ENG: variants seen among roughly 807,000 people sequenced by gnomAD.
ENG encodes the protein CD105 antigen.
Under a neutral mutation model 71.0 loss-of-function variants are expected in ENG, and 17 were observed. The observed-to-expected ratio is 0.24, with a 90% CI of 0.16 to 0.36. ENG has a LOEUF of 0.36. ENG is among the 10% of genes least tolerant of loss of function. ENG has a pLI of 1.00. For synonymous variants in ENG, 360 were observed against 366.9 expected (o/e 0.98, Z 0.21); for missense variants, 749 against 868.3 (o/e 0.86, Z 1.73).
At chr9:127,833,956 GCTC>G (rs1177657234) in intron 2 of ENG, among the ~76,000 whole-genome samples, 1 of 152,044 alleles carries the variant, frequency 6.6e-6, no homozygotes, top group Non-Finnish European at 1.5e-5. Flanking sequence ...CTTTTTTTAG[GCTC>G]CTCAAGTGAA....
At chr9:127,843,031 CT>C in intron 2 of ENG, 62 bp downstream of exon 2, 1 of 1,611,006 alleles carries the variant, frequency 6.2e-7, no homozygotes, top group South Asian at 1.1e-5. Context: ...GAAGGCACCC[CT>C]CACCCCATCT....
In ENG at chr9:127,838,879, G is replaced by A. The variant is rs761811749; in HGVS notation, c.219+4215C>T. Among the ~76,000 whole-genome samples the A allele has an allele frequency of 6.6e-6, 1 of 152,176 alleles. No individual in the cohort carries two copies. Among genetic ancestry groups the A allele is most frequent in the East Asian group, 1.9e-4 (1 of 5,168 alleles). On this transcript the variant is annotated intron_variant, in intron 2 of 14. Transcript: ENST00000373203. This position sits in a 1 kb window ranked among gnomAD's most constrained non-coding sequence, Gnocchi z 4.3. ...TGAGCGGCACTTCCCCAAGGCTCTC[G>A]GCTGCCACCGCCCATCTACCACCCA... is the stretch of plus-strand genomic sequence containing the variant.
At position 127,820,055 on chromosome 9, in the gene ENG, G is replaced by T. The variant is rs764207550; in HGVS notation, c.1135-18C>A. On this transcript the variant is annotated intron_variant, in intron 8 of 14. Transcript: ENST00000373203. ...TTCAAATGCTGGGTCGGAAGAGAGG[G>T]GCACCATCAGGAGGCACTGGGGTCT... 6 of 1,612,188 alleles carry T rather than the reference G, an allele frequency of 3.7e-6. No homozygotes were observed. Among genetic ancestry groups the T allele is most frequent in the Non-Finnish European group, 4.2e-6 (5 of 1,179,582 alleles).
At chr9:127,833,963 A>G (rs1564459418) in intron 2 of ENG, among the ~76,000 whole-genome samples, 1 of 152,236 alleles carries the variant, frequency 6.6e-6, no homozygotes, top group Non-Finnish European at 1.5e-5. Flanking sequence ...TAGGCTCCTC[A>G]AGTGAAGCAG....
chr9:127,820,105 C>A (rs1830436963), intron 8 of ENG, 68 bp from the exon 9 acceptor site: 1 of 1,576,356 alleles, frequency 6.3e-7, no homozygotes, highest in East Asian at 2.3e-5. Flanking sequence ...ACCCCAGCAC[C>A]AAGGACTGAC....
intron 8 of ENG, among the ~76,000 whole-genome samples, chr9:127,820,493 A>T (rs1434054034): frequency 1.3e-5 from 2 of 151,010 alleles, no homozygotes; most frequent in African/African-American, 2.4e-5. Flanking sequence ...GCGCCTGGCC[A>T]AATTTTCTTA....
chr9:127,840,910 C>A (rs1038114742), intron 2 of ENG, among the ~76,000 whole-genome samples: 4 of 152,176 alleles, frequency 2.6e-5, no homozygotes, highest in Non-Finnish European at 4.4e-5. Flanking sequence ...GTTACAGTGG[C>A]CCCCTGCCAT....
At chr9:127,825,574 G>A (rs1008426690) in intron 5 of ENG, 121 bp downstream of exon 5, 31 of 1,259,066 alleles carry the variant, frequency 2.5e-5, no homozygotes, top group African/African-American at 1.5e-4. Flanking sequence ...ACAGGGCTGC[G>A]GCGGGGCTGG....
At chr9:127,831,422 C>T (rs1243645850) in intron 2 of ENG, among the ~76,000 whole-genome samples, 3 of 148,398 alleles carry the variant, frequency 2.0e-5, no homozygotes, top group Non-Finnish European at 4.4e-5. Context: ...GAGTCTCGCT[C>T]TGTCGCCCAA....
intron 1 of ENG, among the ~76,000 whole-genome samples, chr9:127,845,900 G>C (rs1164138292): frequency 6.6e-6 from 1 of 152,090 alleles, no homozygotes; most frequent in Non-Finnish European, 1.5e-5. Flanking sequence ...TAGAGACTGG[G>C]TCTCACTATG....
At chr9:127,827,662 A>G (rs1015552476) in intron 3 of ENG, among the ~76,000 whole-genome samples, 1 of 152,134 alleles carries the variant, frequency 6.6e-6, no homozygotes, top group East Asian at 1.9e-4. Context: ...TTTTTATTAT[A>G]ATTTTTTAGA....
At chr9:127,848,717 T>G (rs961487473) in intron 1 of ENG, among the ~76,000 whole-genome samples, 2 of 152,196 alleles carry the variant, frequency 1.3e-5, no homozygotes, top group Non-Finnish European at 2.9e-5. Context: ...TGTGCTGTTT[T>G]GATTTGTCAG....
intron 10 of ENG, 179 bp downstream of exon 10, chr9:127,819,443 C>T (rs995864323): frequency 6.6e-5 from 51 of 774,718 alleles, no homozygotes; most frequent in Non-Finnish European, 9.5e-5. Context: ...CTTGAGAGAC[C>T]AAGAGCGTCA....
intron 11 of ENG, 140 bp from the exon 12 acceptor site, chr9:127,818,517 G>A: frequency 6.7e-7 from 1 of 1,490,364 alleles, no homozygotes. Context: ...ACCTGTCTGG[G>A]GCAGAGGAGG....
At chr9:127,839,473 A>G (rs1377165586) in intron 2 of ENG, among the ~76,000 whole-genome samples, 1 of 152,206 alleles carries the variant, frequency 6.6e-6, no homozygotes, top group Admixed American at 6.5e-5. Context: ...CAGCAGGAGG[A>G]GGAAGGCCCA....
At chr9:127,829,512 T>C (rs986146849) in intron 3 of ENG, among the ~76,000 whole-genome samples, 175 bp downstream of exon 3, 2 of 152,122 alleles carry the variant, frequency 1.3e-5, no homozygotes, top group Non-Finnish European at 2.9e-5. Context: ...GCCCTCTGGG[T>C]TCTCTCTGGT....
intron 3 of ENG, among the ~76,000 whole-genome samples, 198 bp from the exon 4 acceptor site, chr9:127,826,870 C>T (rs1298721211): frequency 6.6e-6 from 1 of 152,126 alleles, no homozygotes; most frequent in South Asian, 2.1e-4. Flanking sequence ...CCCTTGCATA[C>T]CTGGGGGGCC....
chr9:127,835,292 C>G (rs1402421619), intron 2 of ENG, among the ~76,000 whole-genome samples: 1 of 152,260 alleles, frequency 6.6e-6, no homozygotes, highest in Non-Finnish European at 1.5e-5. Context: ...AGCCACCATG[C>G]CTGGCAGTTT....
At chr9:127,837,673 C>T (rs1476656668) in intron 2 of ENG, among the ~76,000 whole-genome samples, 1 of 152,190 alleles carries the variant, frequency 6.6e-6, no homozygotes, top group African/African-American at 2.4e-5. Flanking sequence ...TGGGAATAGC[C>T]AATCACCAAA....
Sources: allele counts gnomAD v4.1 joint callset (sites outside exome capture counted in the v4.1 genomes callset), GRCh38; gene constraint gnomAD v4.1.1; non-coding constraint Gnocchi (gnomAD v3.1); transcripts MANE v1.5; gene names NCBI Gene and HGNC (gene_info 2026-07-23, HGNC 2026-07-21).